KCNIP3: variants seen among roughly 807,000 people sequenced by gnomAD.
KCNIP3 encodes potassium voltage-gated channel interacting protein 3.
In KCNIP3, 28 loss-of-function variants were observed where a neutral mutation model predicts 35.0. The ratio of observed to expected loss-of-function variants is 0.80; its 90% CI spans 0.59 to 1.10. The LOEUF is 1.10. Ranked by LOEUF, KCNIP3 falls within the 50% of genes least tolerant of loss-of-function variation. KCNIP3 has a pLI of 0.00. For missense variants in KCNIP3, 295 were observed against 338.4 expected (o/e 0.87, Z 1.01); for synonymous variants, 134 against 133.8 (o/e 1.00, Z -0.01).
chr2:95,315,672 G>T (rs1678438370), intron 2 of KCNIP3, among the ~76,000 whole-genome samples: 1 of 152,210 alleles, frequency 6.6e-6, no homozygotes, highest in East Asian at 1.9e-4. Context: ...TCCCCTAGGT[G>T]GGCCTCAGTG....
rs544615240 is a variant in KCNIP3 at position 95,378,777 on chromosome 2, T to C, written c.448-2819T>C. On this transcript the variant is annotated intron_variant, in intron 5 of 8. Transcript: ENST00000295225. This position sits in a 1 kb window ranked among gnomAD's most constrained non-coding sequence, Gnocchi z 4.0. Reference sequence around the variant, plus strand: ...AAAACAAAAACAAAATATATATATATATACACACACACACACACATATATA... The same window carrying C: ...AAAACAAAAACAAAATATATATATACATACACACACACACACACATATATA... Among the ~76,000 whole-genome samples the C allele has an allele frequency of 3.6e-4, 54 of 150,374 alleles. No individual in the cohort carries two copies. Among genetic ancestry groups the C allele is most frequent in the East Asian group, 1.8e-3 (9 of 5,130 alleles).
intron 1 of KCNIP3, among the ~76,000 whole-genome samples, chr2:95,302,261 C>T (rs545894625): frequency 2.0e-5 from 3 of 152,324 alleles, no homozygotes; most frequent in Admixed American, 1.3e-4. Flanking sequence ...GAAGCCCTTC[C>T]GGAAAGGAAG....
intron 2 of KCNIP3, among the ~76,000 whole-genome samples, chr2:95,348,904 G>A (rs943487545): frequency 3.3e-5 from 5 of 152,162 alleles, no homozygotes; most frequent in African/African-American, 1.2e-4. Context: ...TGTAAAGTGG[G>A]GCTGATAAGA....
chr2:95,352,460 A>T (rs1377393784), intron 2 of KCNIP3, among the ~76,000 whole-genome samples: 1 of 151,762 alleles, frequency 6.6e-6, no homozygotes, highest in East Asian at 1.9e-4. Flanking sequence ...CTGGTTGTGG[A>T]CCCCGAATAT....
intron 2 of KCNIP3, among the ~76,000 whole-genome samples, chr2:95,340,724 T>C (rs1430881039): frequency 6.6e-6 from 1 of 152,218 alleles, no homozygotes; most frequent in African/African-American, 2.4e-5. Flanking sequence ...CAGAATGTGA[T>C]ATCTGGAATT....
rs1267413623 is a variant in KCNIP3, at chr2:95,377,796, A to G, written c.447+2588A>G. Among the ~76,000 whole-genome samples, 3 of 152,188 alleles carry G rather than the reference A, an allele frequency of 2.0e-5. No homozygotes were observed. The highest frequency in any genetic ancestry group is 2.1e-4 in the South Asian group (1 of 4,832). ...GTACTGTCACTACTGTAGCCAACAC[A>G]CAGAGAGAGGCTAAGGGATACTGCA... On this transcript the variant is annotated intron_variant, in intron 5 of 8. Transcript: ENST00000295225. This position sits in a 1 kb window ranked among gnomAD's most constrained non-coding sequence, Gnocchi z 4.7.
chr2:95,382,546 G>T lies in KCNIP3; in HGVS notation c.660+65G>T. 8.3e-7 allele frequency: 1 copy of T among 1,197,944 alleles called. No individual in the cohort carries two copies. 74.2% of individuals were successfully genotyped at this position (1,197,944 alleles called of 1,614,324 possible). Reference sequence around the variant, plus strand: ...CAGAGGAAGGGGCTCTCGCTTTTGGGGCCACCCCGGGCAAGTGGCTTGCCC... The same window carrying T: ...CAGAGGAAGGGGCTCTCGCTTTTGGTGCCACCCCGGGCAAGTGGCTTGCCC... On this transcript the variant is annotated intron_variant, in intron 7 of 8. Coordinates refer to ENST00000295225, the MANE Select transcript of KCNIP3 (RefSeq NM_013434.5). The surrounding 1 kb of genome is among the most constrained non-coding windows in gnomAD (Gnocchi z 4.5).
At chr2:95,375,902 C>G (rs775910187) in intron 5 of KCNIP3, among the ~76,000 whole-genome samples, 14 of 152,224 alleles carry the variant, frequency 9.2e-5, no homozygotes, top group Non-Finnish European at 1.9e-4. Context: ...TTGATCGATA[C>G]CCCGACAGCT....
At position 95,367,198 on chromosome 2, in the gene KCNIP3, G is replaced by A. The variant is rs542998645; in HGVS notation, c.182-7098G>A. Among the ~76,000 whole-genome samples, 33 of 152,146 alleles carry A rather than the reference G, an allele frequency of 2.2e-4. No individual in the cohort carries two copies. In the South Asian group the frequency reaches 2.7e-3, roughly 12 times the overall value. ...TGAGGCAGGAGAATCACTTGAACTC[G>A]GGAGGCAGAGGTTGCAGTGAGCTGA... On this transcript the variant is annotated intron_variant, in intron 2 of 8. Coordinates refer to ENST00000295225, the MANE Select transcript of KCNIP3 (RefSeq NM_013434.5).
intron 2 of KCNIP3, among the ~76,000 whole-genome samples, chr2:95,358,151 G>A (rs969546275): frequency 2.6e-5 from 4 of 152,136 alleles, no homozygotes; most frequent in African/African-American, 9.7e-5. Context: ...ATCTTCCATT[G>A]CTTCTGCTTC....
At chr2:95,315,329 T>C (rs1377892816) in intron 2 of KCNIP3, among the ~76,000 whole-genome samples, 1 of 151,940 alleles carries the variant, frequency 6.6e-6, no homozygotes, top group Non-Finnish European at 1.5e-5. Context: ...GAATCTACGG[T>C]GTTTCGTTCT....
At chr2:95,310,980 C>T (rs1346692165) in intron 2 of KCNIP3, 1 of 219,418 alleles carries the variant, frequency 4.6e-6, no homozygotes, top group Non-Finnish European at 9.2e-6. Context: ...GCCCCACCCT[C>T]AGCCCCTCCT....
chr2:95,343,521 A>C (rs1190507526), intron 2 of KCNIP3, among the ~76,000 whole-genome samples: 5 of 152,152 alleles, frequency 3.3e-5, no homozygotes, highest in Admixed American at 2.6e-4. Context: ...CTCAAACAGC[A>C]TGCATCCAGC....
intron 2 of KCNIP3, among the ~76,000 whole-genome samples, chr2:95,349,087 A>ACCC (rs3836205): frequency 1.4e-5 from 2 of 139,362 alleles, no homozygotes; most frequent in Non-Finnish European, 3.1e-5. Flanking sequence ...TCACTCAGAC[A>ACCC]CCCCCCCCCG....
At chr2:95,336,755 C>G (rs1679069445) in intron 2 of KCNIP3, among the ~76,000 whole-genome samples, 1 of 152,206 alleles carries the variant, frequency 6.6e-6, no homozygotes, top group Admixed American at 6.5e-5. Context: ...TAGGGAGGGT[C>G]TGTTTCAGCT....
chr2:95,323,569 G>A (rs1217935878), intron 2 of KCNIP3, among the ~76,000 whole-genome samples: 1 of 152,132 alleles, frequency 6.6e-6, no homozygotes, highest in African/African-American at 2.4e-5. Context: ...GGGGGTAGCA[G>A]GTGCCAACGC....
chr2:95,347,122 G>A (rs542324361), intron 2 of KCNIP3: 3 of 1,608,440 alleles, frequency 1.9e-6, no homozygotes, highest in African/African-American at 1.3e-5. Flanking sequence ...ATCCATGGAA[G>A]GTAACGCGTG....
intron 1 of KCNIP3, among the ~76,000 whole-genome samples, chr2:95,304,206 GTGCTATTGTTTCTT>G (rs1389367672): frequency 6.6e-6 from 1 of 152,194 alleles, no homozygotes; most frequent in Non-Finnish European, 1.5e-5. Context: ...GTTGTGACCT[GTGCTATTGTTTCTT>G]ATTATTTTTC....
chr2:95,347,198 C>T, intron 2 of KCNIP3: 3 of 1,291,122 alleles, frequency 2.3e-6, no homozygotes, highest in Admixed American at 2.0e-5. Flanking sequence ...AGTACCCGCA[C>T]GCCGGGGTGC....
Sources: allele counts gnomAD v4.1 joint callset (sites outside exome capture counted in the v4.1 genomes callset), GRCh38; gene constraint gnomAD v4.1.1; non-coding constraint Gnocchi (gnomAD v3.1); transcripts MANE v1.5; gene names NCBI Gene and HGNC (gene_info 2026-07-23, HGNC 2026-07-21).